Variants in FAR2 observed in about 807,000 individuals in gnomAD.
FAR2 encodes the protein fatty acyl-CoA reductase 2.
A neutral mutation model predicts 56.0 loss-of-function variants in FAR2; 19 were observed. The observed-to-expected ratio is 0.34, with a 90% CI of 0.24 to 0.50. The LOEUF is 0.50. Ranked by LOEUF, FAR2 falls within the 20% of genes least tolerant of loss-of-function variation. The pLI is 0.98. For missense variants in FAR2, 508 were observed against 642.2 expected, an observed-to-expected ratio of 0.79 and a Z score of 2.26; for synonymous variants, 219 against 218.8, an observed-to-expected ratio of 1.00 and a Z score of -0.01.
intron 1 of FAR2, among the ~76,000 whole-genome samples, chr12:29,176,488 T>C (rs1949939953): frequency 6.6e-6 from 1 of 152,194 alleles, no homozygotes; most frequent in African/African-American, 2.4e-5. Flanking sequence ...AAGAGACAGC[T>C]CTTTCAGAAA....
chr12:29,298,739 C>T (rs1387886034), intron 4 of FAR2, among the ~76,000 whole-genome samples: 1 of 152,166 alleles, frequency 6.6e-6, no homozygotes, highest in Non-Finnish European at 1.5e-5. Flanking sequence ...GTCAGTTACC[C>T]TCTTATGGTG....
chr12:29,230,728 A>G (rs1268648139), intron 1 of FAR2, among the ~76,000 whole-genome samples: 1 of 152,122 alleles, frequency 6.6e-6, no homozygotes, highest in Admixed American at 6.6e-5. Flanking sequence ...AGGAATGGAA[A>G]TTGAGTGTGA....
chr12:29,225,328 T>C (rs2136643758), intron 1 of FAR2, among the ~76,000 whole-genome samples: 1 of 152,302 alleles, frequency 6.6e-6, no homozygotes, highest in Non-Finnish European at 1.5e-5. Context: ...GCCTCAGTTG[T>C]CTTATCTGTA....
At chr12:29,210,739 G>T (rs1250380970) in intron 1 of FAR2, among the ~76,000 whole-genome samples, 2 of 152,118 alleles carry the variant, frequency 1.3e-5, no homozygotes, top group Admixed American at 1.3e-4. Flanking sequence ...AGATCATGAG[G>T]TCAGAAGTTT....
chr12:29,207,913 T>A (rs1947494807), intron 1 of FAR2, among the ~76,000 whole-genome samples: 1 of 152,218 alleles, frequency 6.6e-6, no homozygotes, highest in Admixed American at 6.5e-5. Flanking sequence ...ATGGTGAGAC[T>A]TATTTAGGCC....
At chr12:29,311,556 G>GA (rs1329407183) in intron 7 of FAR2, among the ~76,000 whole-genome samples, 2 of 150,308 alleles carry the variant, frequency 1.3e-5, no homozygotes, top group African/African-American at 4.9e-5. Flanking sequence ...TGGTACAAAG[G>GA]AAAAAAAATA....
chr12:29,165,400 A>G (rs1438402770), intron 1 of FAR2, among the ~76,000 whole-genome samples: 3 of 152,256 alleles, frequency 2.0e-5, no homozygotes, highest in African/African-American at 7.2e-5. Context: ...TGTCGCATCA[A>G]TCCCAGGGAT....
At chr12:29,159,793 T>G (rs1949765501) in intron 1 of FAR2, among the ~76,000 whole-genome samples, 2 of 152,208 alleles carry the variant, frequency 1.3e-5, no homozygotes, top group Admixed American at 1.3e-4. Context: ...CTTGGTGTTT[T>G]AAGTACTTAA....
intron 1 of FAR2, among the ~76,000 whole-genome samples, chr12:29,252,847 G>A (rs751938832): frequency 4.0e-4 from 61 of 152,202 alleles, no homozygotes; most frequent in Non-Finnish European, 1.0e-4. Flanking sequence ...TGGCTGGGCA[G>A]TAGTGCCCAG....
chr12:29,263,332 C>T (rs1197922284), intron 1 of FAR2, among the ~76,000 whole-genome samples: 1 of 152,154 alleles, frequency 6.6e-6, no homozygotes. Flanking sequence ...CTTCATCCAA[C>T]AGCTACAGAA....
At chr12:29,303,424 C>G (rs1949207623) in intron 4 of FAR2, among the ~76,000 whole-genome samples, 1 of 152,176 alleles carries the variant, frequency 6.6e-6, no homozygotes, top group Non-Finnish European at 1.5e-5. Context: ...TCTTTCAGTT[C>G]TTAGAAGCTT....
intron 1 of FAR2, among the ~76,000 whole-genome samples, chr12:29,254,215 A>G (rs1948278991): frequency 6.6e-6 from 1 of 152,232 alleles, no homozygotes; most frequent in Admixed American, 6.5e-5. Context: ...GAAAAACTAT[A>G]TATAACAAGC....
At position 29,293,293 on chromosome 12, in the gene FAR2, G is replaced by A. The variant is rs565543428; in HGVS notation, c.190-7G>A. The A allele has an allele frequency of 1.3e-6, 2 of 1,560,148 alleles. No individual in the cohort carries two copies. Among genetic ancestry groups the A allele is most frequent in the Admixed American group, 2.0e-5 (1 of 50,964 alleles). On this transcript the variant is annotated splice_polypyrimidine_tract_variant and splice_region_variant and intron_variant, in intron 2 of 11. Transcript: ENST00000536681. Reference sequence around the variant, plus strand: ...TTTTTGTATATTGATCTATATTTATGTTTCAGCTATTTGAGAAAGTCAAAG... The same window carrying A: ...TTTTTGTATATTGATCTATATTTATATTTCAGCTATTTGAGAAAGTCAAAG...
intron 1 of FAR2, among the ~76,000 whole-genome samples, chr12:29,248,884 T>A (rs554705030): frequency 3.9e-5 from 6 of 152,300 alleles, no homozygotes; most frequent in South Asian, 4.1e-4. Flanking sequence ...AAAGAAGAGA[T>A]ATATGGCTCT....
chr12:29,306,122 G>GTC (rs1233782957), intron 4 of FAR2, among the ~76,000 whole-genome samples: 3 of 152,202 alleles, frequency 2.0e-5, no homozygotes, highest in Non-Finnish European at 2.9e-5. Flanking sequence ...AATGAAATGA[G>GTC]ATAGTGGTAG....
intron 10 of FAR2, among the ~76,000 whole-genome samples, chr12:29,322,892 C>T (rs1202262872): frequency 6.6e-5 from 10 of 152,178 alleles, no homozygotes; most frequent in Non-Finnish European, 1.0e-4. Flanking sequence ...CTGGGTGAGG[C>T]GACGCCTTGC....
At chr12:29,263,671 T>A (rs1382635859) in intron 1 of FAR2, among the ~76,000 whole-genome samples, 1 of 142,980 alleles carries the variant, frequency 7.0e-6, no homozygotes, top group Non-Finnish European at 1.6e-5. Context: ...TGGTAGGTTG[T>A]ACATTCCTAA....
intron 2 of FAR2, among the ~76,000 whole-genome samples, chr12:29,271,236 G>A (rs145346046): frequency 3.8e-4 from 58 of 151,560 alleles, no homozygotes; most frequent in East Asian, 3.1e-3. Context: ...CTCTCCTCTC[G>A]GAAAAAAAAG....
rs773781976 is a variant in FAR2 at position 29,311,832 on chromosome 12, CATT to C, written c.888-49_888-47del. On this transcript the variant is annotated intron_variant, in intron 7 of 11. Transcript: ENST00000536681. ...ATATTATTTTTCCTTATTTTTCTCT[CATT>C]AGTTTTCTATTTTGTTGTACTTATC... 67 of 1,296,076 alleles carry C rather than the reference CATT, an allele frequency of 5.2e-5. 1 individual carries two copies. Among genetic ancestry groups the C allele is most frequent in the Admixed American group, 4.2e-4 (22 of 51,924 alleles). 80.3% of individuals were successfully genotyped at this position (1,296,076 alleles called of 1,614,324 possible). A position where few individuals can be genotyped will look rare whatever the true frequency, so the allele number is the denominator to read the frequency against.
Sources: allele counts gnomAD v4.1 joint callset (sites outside exome capture counted in the v4.1 genomes callset), GRCh38; gene constraint gnomAD v4.1.1; transcripts MANE v1.5; gene names NCBI Gene and HGNC (gene_info 2026-07-23, HGNC 2026-07-21).